Variants in PAQR9 observed in about 807,000 individuals in gnomAD.
PAQR9 encodes the protein membrane progestin receptor epsilon.
Under a neutral mutation model 24.0 loss-of-function variants are expected in PAQR9, and 12 were observed. That is an observed-to-expected ratio of 0.50 (90% CI 0.32 to 0.81). The LOEUF is 0.81. Among genes scored for constraint, PAQR9 ranks in the 30% least tolerant of loss-of-function variants. The pLI is 0.03. For synonymous variants in PAQR9, 266 were observed against 237.6 expected (o/e 1.12, Z -1.10); for missense variants, 418 against 520.8 (o/e 0.80, Z 1.92).
chr3:142,963,911 C>A (rs911229636), upstream of PAQR9: 7 of 984,854 alleles, frequency 7.1e-6, no homozygotes, highest in East Asian at 8.0e-4. Context: ...ATGCGGGGGC[C>A]GCAGGCTGGT....
rs201886875 is a variant in PAQR9 at position 142,962,698 on chromosome 3, C to T, written c.639G>A (p.Val213=). The T allele has an allele frequency of 3.1e-6, 5 of 1,612,614 alleles. No individual in the cohort carries two copies. The Admixed American group carries it at 5.0e-5, about 16-fold the overall frequency. The change falls in exon 1 of 1, where the codon GTG becomes GTA. Residue 213 remains valine (V), a synonymous_variant. Transcript: ENST00000340634. Reference sequence around the variant, plus strand: ...CCGCCAGCACGAAGGCCACAGGCAGCACCAGGGCGCGGTAGGCGGCGATAA... The same window carrying T: ...CCGCCAGCACGAAGGCCACAGGCAGTACCAGGGCGCGGTAGGCGGCGATAA... ...TRLIAAYRAL[V]LPVAFVLAVA...
downstream of PAQR9, among the ~76,000 whole-genome samples, chr3:142,952,405 A>C (rs1475252040): frequency 1.3e-5 from 2 of 152,200 alleles, no homozygotes; most frequent in African/African-American, 4.8e-5. Flanking sequence ...ACAAATATCT[A>C]ATAGGTAGAT....
chr3:142,957,685 T>G lies in PAQR9; in HGVS notation c.*4518A>C, dbSNP rs1020528392. On this transcript the variant is annotated 3_prime_UTR_variant, in exon 1 of 1. Transcript: ENST00000340634. ...ATGAATACTATCAATCTTCCAATAG[T>G]TATCGTTATTAGTGTTTTCATAATA... 6.6e-6 allele frequency among the ~76,000 whole-genome samples: 1 copy of G among 152,214 alleles called. No individual in the cohort carries two copies. Among genetic ancestry groups the G allele is most frequent in the African/African-American group, 2.4e-5 (1 of 41,452 alleles).
chr3:142,949,720 T>C (rs1471848714), downstream of PAQR9: 5 of 152,306 alleles, frequency 3.3e-5, no homozygotes, highest in African/African-American at 1.2e-4. Context: ...AGAGAGAAAG[T>C]AATTCAAAAG....
rs780461315 is a variant in PAQR9 at position 142,963,253 on chromosome 3, G to C, written c.84C>G (p.Asn28Lys). 1.4e-5 allele frequency: 22 copies of C among 1,530,016 alleles called. No homozygotes were observed. The highest frequency in any genetic ancestry group is 1.8e-5 in the Non-Finnish European group (21 of 1,138,900). 94.8% of individuals were successfully genotyped at this position (1,530,016 alleles called of 1,614,324 possible). A position where few individuals can be genotyped will look rare whatever the true frequency, so the allele number is the denominator to read the frequency against. The stretch of plus-strand genomic sequence containing the variant: ...GGTCCCGGGAGGCGGCAGAGTGGGA[G>C]TTCCGGGCGGCCCCCGAAGCTGCCG... ...PAPAASGAAR[N>K]SHSAASRDPP... Residue 28 changes from asparagine (N) to lysine (K), a missense_variant, in exon 1 of 1, where the codon AAC (asparagine) becomes AAG (lysine). This residue lies in a region of PAQR9 where 180 missense variants were observed against 190.3 expected (regional missense o/e 0.95). Transcript: ENST00000340634.
At position 142,954,711 on chromosome 3, in the gene PAQR9, A is replaced by G. The variant is rs576169389; in HGVS notation, c.*7492T>C. Among the ~76,000 whole-genome samples, 1 of 152,364 alleles carries G rather than the reference A, an allele frequency of 6.6e-6. No individual in the cohort carries two copies. Among genetic ancestry groups the G allele is most frequent in the East Asian group, 1.9e-4 (1 of 5,190 alleles). Reference sequence around the variant, plus strand: ...ACAAATGTCTCAGGAAACCAAAATCATAGCAAATCATACAACAGAAATGTG... The same window carrying G: ...ACAAATGTCTCAGGAAACCAAAATCGTAGCAAATCATACAACAGAAATGTG... On this transcript the variant is annotated 3_prime_UTR_variant, in exon 1 of 1. Transcript: ENST00000340634.
In PAQR9 at chr3:142,960,176, T is replaced by C. The variant is rs1233139613; in HGVS notation, c.*2027A>G. On this transcript the variant is annotated 3_prime_UTR_variant, in exon 1 of 1. Coordinates refer to ENST00000340634, the MANE Select transcript of PAQR9 (RefSeq NM_198504.4). Reference sequence around the variant, plus strand: ...ATTCTAAATTAAATATAGACATATATAAATTTAACTTCTATGTGCAAAGTA... The same window carrying C: ...ATTCTAAATTAAATATAGACATATACAAATTTAACTTCTATGTGCAAAGTA... Among the ~76,000 whole-genome samples the C allele has an allele frequency of 1.3e-5, 2 of 152,190 alleles. No homozygotes were observed. The highest frequency in any genetic ancestry group is 1.9e-4 in the East Asian group (1 of 5,202).
downstream of PAQR9, among the ~76,000 whole-genome samples, chr3:142,954,543 G>A (rs1934763857): frequency 6.6e-6 from 1 of 152,196 alleles, no homozygotes; most frequent in South Asian, 2.1e-4. Context: ...GTTGCTGAAA[G>A]ATAACTGTTG....
chr3:142,955,442 T>TAAAAAAAAAAA lies in PAQR9; in HGVS notation c.*6750_*6760dup, dbSNP rs150071656. Among the ~76,000 whole-genome samples the TAAAAAAAAAAA allele has an allele frequency of 6.0e-4, 13 of 21,606 alleles. No individual in the cohort carries two copies. The highest frequency in any genetic ancestry group is 2.0e-3 in the East Asian group (1 of 496). 14.2% of individuals were successfully genotyped at this position (21,606 alleles called of 152,430 possible). ...GAGCGACCACATGGTCTATACAAAT[T>TAAAAAAAAAAA]AAAAAAAAAAAAAAAAAAAAAAAAA... On this transcript the variant is annotated 3_prime_UTR_variant, in exon 1 of 1. Coordinates refer to ENST00000340634, the MANE Select transcript of PAQR9 (RefSeq NM_198504.4).
chr3:142,963,330 G>A lies in PAQR9; in HGVS notation c.7C>T (p.Arg3Trp), dbSNP rs1175555491. MP[R>W]RLQPRGAGTK... ...CCCGCGCCCCGGGGCTGCAGGCGCC[G>A]CGGCATGGTGCCCGGGGCTCGGCTA... Residue 3 changes from arginine (R) to tryptophan (W), a missense_variant, in exon 1 of 1, where the codon CGG becomes TGG. Arg to Trp is a moderately radical substitution (Grantham distance 101). Transcript: ENST00000340634. 7.3e-7 allele frequency: 1 copy of A among 1,361,756 alleles called. No individual in the cohort carries two copies. The highest frequency in any genetic ancestry group is 9.4e-7 in the Non-Finnish European group (1 of 1,064,212). The allele number at this position is 1,361,756 out of a possible 1,614,324, so 84.4% of individuals were successfully genotyped here.
At position 142,956,901 on chromosome 3, in the gene PAQR9, C is replaced by T. The variant is rs76105114; in HGVS notation, c.*5302G>A. 3.6e-3 allele frequency among the ~76,000 whole-genome samples: 549 copies of T among 152,204 alleles called. 2 individuals carry two copies. The highest frequency in any genetic ancestry group is 0.012 in the African/African-American group (507 of 41,532). ...ATTAAGAAATAATTATTCACAATAC[C>T]GAAGAAGCCAAATCTTCAATAAGAA... is the stretch of plus-strand genomic sequence containing the variant. On this transcript the variant is annotated 3_prime_UTR_variant, in exon 1 of 1. Transcript: ENST00000340634.
rs1560159215 is a variant in PAQR9, at chr3:142,960,909, T to C, written c.*1294A>G. ...CAGTGACAACTCAATAATGTGCTCC[T>C]GCCTTTCATAATAAAACTGCCTTGT... On this transcript the variant is annotated 3_prime_UTR_variant, in exon 1 of 1. Transcript: ENST00000340634. 2 of 152,270 alleles carry C rather than the reference T, an allele frequency of 1.3e-5. No individual in the cohort carries two copies. Among genetic ancestry groups the C allele is most frequent in the Non-Finnish European group, 2.9e-5 (2 of 68,048 alleles). The allele number at this position is 152,270 out of a possible 1,614,324, so 9.4% of individuals were successfully genotyped here.
At chr3:142,950,441 T>C (rs1342031787), downstream of PAQR9, 3 of 252,978 alleles carry the variant, frequency 1.2e-5, no homozygotes, top group South Asian at 1.3e-4. Context: ...CCAAGAAGAG[T>C]TGTTGATTTT....
chr3:142,963,703 C>T, upstream of PAQR9: 1 of 739,792 alleles, frequency 1.4e-6, no homozygotes, highest in Non-Finnish European at 1.6e-6. Flanking sequence ...GTGCCTCCGC[C>T]GCCGCCGCCC....
upstream of PAQR9, chr3:142,963,707 G>T: frequency 6.6e-6 from 5 of 755,784 alleles, no homozygotes; most frequent in Non-Finnish European, 8.0e-6. Flanking sequence ...CTCCGCCGCC[G>T]CCGCCCCCGG....
chr3:142,952,824 T>C (rs1470801242), downstream of PAQR9: 1 of 456,634 alleles, frequency 2.2e-6, no homozygotes, highest in Non-Finnish European at 4.4e-6. Context: ...CAATCCAATC[T>C]TCCGTGATTT....
Position 142,957,764 on chromosome 3 carries a change from T to C in PAQR9, c.*4439A>G, listed in dbSNP as rs1343355283. ...TATGCCGACTATCCCCTCACTTGGA[T>C]TGTACATTACATTTTCAAGTTATTT... is the stretch of plus-strand genomic sequence containing the variant. On this transcript the variant is annotated 3_prime_UTR_variant, in exon 1 of 1. Coordinates refer to ENST00000340634, the MANE Select transcript of PAQR9 (RefSeq NM_198504.4). 6.6e-6 allele frequency among the ~76,000 whole-genome samples: 1 copy of C among 152,198 alleles called. No individual in the cohort carries two copies. Among genetic ancestry groups the C allele is most frequent in the Non-Finnish European group, 1.5e-5 (1 of 68,026 alleles).
Position 142,962,140 on chromosome 3 carries a change from CA to C in PAQR9, c.*62del. ...ACAATGAAATTTGAAAACAAACCAA[CA>C]ATAGCAACAACAGAAACTCCAAACA... On this transcript the variant is annotated 3_prime_UTR_variant, in exon 1 of 1. Coordinates refer to ENST00000340634, the MANE Select transcript of PAQR9 (RefSeq NM_198504.4). 6.6e-7 allele frequency: 1 copy of C among 1,514,782 alleles called. No individual in the cohort carries two copies. The highest frequency in any genetic ancestry group is 9.0e-7 in the Non-Finnish European group (1 of 1,111,282). 93.8% of individuals were successfully genotyped at this position (1,514,782 alleles called of 1,614,324 possible).
In PAQR9 at chr3:142,962,387, A is replaced by T; in HGVS notation, c.950T>A (p.Phe317Tyr). ...CTGGTCGTAGATGCTGAGGAAGGTG[A>T]AGATGTGGAAGAGCTGGTGGCTGTG... ...IGHSHQLFHI[F>Y]TFLSIYDQVY... The change falls in exon 1 of 1, where the codon TTC becomes TAC. Residue 317 changes from phenylalanine (F) to tyrosine (Y), a missense_variant. This residue lies in a region of PAQR9 where 230 missense variants were observed against 305.2 expected (regional missense o/e 0.75). Coordinates refer to ENST00000340634, the MANE Select transcript of PAQR9 (RefSeq NM_198504.4). The T allele has an allele frequency of 6.2e-7, 1 of 1,614,152 alleles. No homozygotes were observed. The highest frequency in any genetic ancestry group is 8.5e-7 in the Non-Finnish European group (1 of 1,180,028).
Sources: gnomAD v4.1 joint callset for allele counts (sites outside exome capture counted in the v4.1 genomes callset) on GRCh38, gnomAD v4.1.1 for gene constraint, gnomAD v4.1.1 regional missense constraint, MANE v1.5 for transcripts, NCBI Gene and HGNC (gene_info 2026-07-23, HGNC 2026-07-21) for gene names.